The following COL4A1 variants were observed in gnomAD, a reference collection of about 807,000 sequenced individuals.
COL4A1 encodes collagen type IV alpha 1 chain, also known as collagen alpha-1(IV) chain.
A neutral mutation model predicts 216.6 loss-of-function variants in COL4A1; 40 were observed. The observed-to-expected ratio is 0.18, with a 90% CI of 0.14 to 0.24. The LOEUF is 0.24. Among genes scored for constraint, COL4A1 ranks in the 10% least tolerant of loss-of-function variants. The probability of loss-of-function intolerance (pLI) is 1.00; values close to 1 mark genes in which losing one functional copy is unlikely to be tolerated. For synonymous variants in COL4A1, 839 were observed against 810.7 expected (o/e 1.03, Z -0.59); for missense variants, 1,628 against 2,196.8 (o/e 0.74, Z 5.18).
intron 1 of COL4A1, 100 bp downstream of exon 1, chr13:110,306,844 C>A: frequency 8.5e-7 from 1 of 1,170,182 alleles, no homozygotes; most frequent in Non-Finnish European, 1.1e-6. Flanking sequence ...CGCGCGACCC[C>A]CGAGGGGCAG....
intron 26 of COL4A1, 28 bp from the exon 27 acceptor site, chr13:110,183,304 C>T (rs759982849): frequency 4.4e-6 from 7 of 1,600,460 alleles, no homozygotes; most frequent in African/African-American, 2.7e-5. Flanking sequence ...CAAAGACAAA[C>T]GATGAAGGAA....
In COL4A1 at chr13:110,206,714, C is replaced by A; in HGVS notation, c.809G>T (p.Gly270Val). ...ACCTTTCTCTCCGACCCCTGGCATC[C>A]CCTTAAAGGAATAAAAAGACAAAGA... ...KGQKGEPGFQ[G>V]MPGVGEKGEP... The change falls in exon 15 of 52, where the codon GGG (glycine) becomes GTG (valine). Residue 270 changes from glycine (G) to valine (V), a missense_variant and splice_region_variant. Gly to Val is a moderately radical substitution (Grantham distance 109). Transcript: ENST00000375820. 1.2e-6 allele frequency: 2 copies of A among 1,613,932 alleles called. No homozygotes were observed. The highest frequency in any genetic ancestry group is 1.7e-6 in the Non-Finnish European group (2 of 1,180,006).
rs1877598250 is a variant in COL4A1, at chr13:110,170,692, G to T, written c.3597C>A (p.Ser1199Arg). 6.2e-7 allele frequency: 1 copy of T among 1,614,208 alleles called. No homozygotes were observed. The highest frequency in any genetic ancestry group is 1.3e-5 in the African/African-American group (1 of 75,062). ...CTCCTTTGGATCCAGGAATTCCTGGGCTCCCGGCTAATCCTGGGAAACCCA... is the reference window on the plus strand; with the variant it reads ...CTCCTTTGGATCCAGGAATTCCTGGTCTCCCGGCTAATCCTGGGAAACCCA... ...GEVGFPGLAGSPGIPGSKGEQ... is the reference protein window; with the variant it reads ...GEVGFPGLAGRPGIPGSKGEQ... The change falls in exon 42 of 52, where the codon AGC (serine) becomes AGA (arginine). Residue 1199 changes from serine to arginine, a missense_variant. Physicochemically the swap from Ser to Arg is moderately radical, Grantham distance 110. Transcript: ENST00000375820.
intron 2 of COL4A1, among the ~76,000 whole-genome samples, chr13:110,218,643 T>C (rs1880214471): frequency 6.6e-6 from 1 of 152,128 alleles, no homozygotes; most frequent in African/African-American, 2.4e-5. Context: ...CTAAAAACTT[T>C]AAGAGGTAGT....
chr13:110,206,976 A>G (rs1417562796), intron 13 of COL4A1, 85 bp from the exon 14 acceptor site: 1 of 1,422,946 alleles, frequency 7.0e-7, no homozygotes, highest in Non-Finnish European at 9.8e-7. Flanking sequence ...GCAGAAAAAA[A>G]AAAAACCTTT....
chr13:110,233,828 A>G (rs976421980), intron 2 of COL4A1, among the ~76,000 whole-genome samples: 1 of 152,240 alleles, frequency 6.6e-6, no homozygotes, highest in African/African-American at 2.4e-5. Flanking sequence ...GGCCCTGCCA[A>G]GATTCTCAAA....
chr13:110,212,626 G>T lies in COL4A1; in HGVS notation c.280-8C>A, dbSNP rs778466796. On this transcript the variant is annotated splice_region_variant and splice_polypyrimidine_tract_variant and intron_variant, in intron 4 of 51. Transcript: ENST00000375820. ...AGATGCTCCCGGAGGTCCCTGTGAG[G>T]GCGGAAGTAAAAGCGTGTCAGTGAA... 3 of 1,613,790 alleles carry T rather than the reference G, an allele frequency of 1.9e-6. No individual in the cohort carries two copies. The highest frequency in any genetic ancestry group is 2.5e-6 in the Non-Finnish European group (3 of 1,180,034).
Position 110,249,297 on chromosome 13 carries a change from G to T in COL4A1, c.85-6563C>A, listed in dbSNP as rs529388540. On this transcript the variant is annotated intron_variant, in intron 1 of 51. Transcript: ENST00000375820. Reference sequence around the variant, plus strand: ...TACGTCGGTAAAAACTCATCGAGCTGTGCACTTGTGATGTTTGCACTTTGT... The same window carrying T: ...TACGTCGGTAAAAACTCATCGAGCTTTGCACTTGTGATGTTTGCACTTTGT... Among the ~76,000 whole-genome samples, 14 of 152,162 alleles carry T rather than the reference G, an allele frequency of 9.2e-5. No homozygotes were observed. The South Asian group carries it at 2.7e-3, about 29-fold the overall frequency.
rs757004186 is a variant in COL4A1 at position 110,198,684 on chromosome 13, C to T, written c.1121-53G>A. 33 of 1,605,266 alleles carry T rather than the reference C, an allele frequency of 2.1e-5. 1 individual carries two copies. Among genetic ancestry groups the T allele is most frequent in the Non-Finnish European group, 2.6e-5 (30 of 1,173,024 alleles). On this transcript the variant is annotated intron_variant, in intron 20 of 51. Transcript: ENST00000375820. ...TAACCTCAGGGCCACTTAGCAACTACAGCATAAACTCATTCTCCTAACTCT... is the reference window on the plus strand; with the variant it reads ...TAACCTCAGGGCCACTTAGCAACTATAGCATAAACTCATTCTCCTAACTCT...
At chr13:110,212,705 G>A (rs563189812) in intron 4 of COL4A1, 87 bp from the exon 5 acceptor site, 2 of 1,498,194 alleles carry the variant, frequency 1.3e-6, no homozygotes, top group East Asian at 2.3e-5. Context: ...ATGGAGTCAT[G>A]CCCTCATTTT....
chr13:110,166,226 T>C lies in COL4A1; in HGVS notation c.4021+6A>G. The C allele has an allele frequency of 3.2e-6, 5 of 1,578,214 alleles. No individual in the cohort carries two copies. Among genetic ancestry groups the C allele is most frequent in the Middle Eastern group, 1.7e-4 (1 of 6,002 alleles). On this transcript the variant is annotated splice_donor_region_variant and intron_variant, in intron 45 of 51. Coordinates refer to ENST00000375820, the MANE Select transcript of COL4A1 (RefSeq NM_001845.6). ...AAGGTGTCCACAGATCAACAAACTC[T>C]CCTACCTTTAGCTCCCGGGACGCCT... is the stretch of plus-strand genomic sequence containing the variant.
At chr13:110,256,457 G>A (rs1026529280) in intron 1 of COL4A1, among the ~76,000 whole-genome samples, 2 of 152,214 alleles carry the variant, frequency 1.3e-5, no homozygotes, top group Non-Finnish European at 2.9e-5. Flanking sequence ...CACTGTGAAC[G>A]TGCATCCTCG....
intron 1 of COL4A1, among the ~76,000 whole-genome samples, chr13:110,270,539 A>G (rs1180192789): frequency 6.6e-6 from 1 of 152,182 alleles, no homozygotes; most frequent in East Asian, 1.9e-4. Context: ...CAACCATTGT[A>G]GGGTTAATCA....
chr13:110,242,792 T>C, intron 1 of COL4A1, 58 bp from the exon 2 acceptor site: 1 of 1,572,886 alleles, frequency 6.4e-7, no homozygotes, highest in South Asian at 1.1e-5. Flanking sequence ...GAGGGCACTA[T>C]GCAAATGGAG....
intron 42 of COL4A1, among the ~76,000 whole-genome samples, chr13:110,170,046 AGGGAGGAAGGAG>A (rs1191430671): frequency 1.3e-4 from 15 of 119,298 alleles, no homozygotes; most frequent in Admixed American, 1.2e-3. Flanking sequence ...GGAGGGAAGG[AGGGAGGAAGGAG>A]GGGAGGGAGG....
intron 2 of COL4A1, among the ~76,000 whole-genome samples, chr13:110,226,705 A>G (rs1880751083): frequency 6.6e-6 from 1 of 152,260 alleles, no homozygotes; most frequent in Admixed American, 6.5e-5. Context: ...AGATCAATCT[A>G]AATTAATAAA....
chr13:110,227,271 A>G (rs1880775098), intron 2 of COL4A1, among the ~76,000 whole-genome samples: 1 of 152,114 alleles, frequency 6.6e-6, no homozygotes, highest in Non-Finnish European at 1.5e-5. Flanking sequence ...TGAGGTATAA[A>G]CTTTCTAATA....
chr13:110,255,138 G>T (rs367885316), intron 1 of COL4A1, among the ~76,000 whole-genome samples: 1 of 152,242 alleles, frequency 6.6e-6, no homozygotes, highest in East Asian at 1.9e-4. Context: ...CCTGCACAGG[G>T]CTGCCTGAAG....
chr13:110,200,749 G>A (rs940398512), intron 20 of COL4A1, 105 bp downstream of exon 20: 18 of 1,211,594 alleles, frequency 1.5e-5, no homozygotes, highest in South Asian at 2.5e-5. Flanking sequence ...GATTGCTACC[G>A]ATTGTGTGCA....
Sources: gnomAD v4.1 joint callset for allele counts (sites outside exome capture counted in the v4.1 genomes callset) on GRCh38, gnomAD v4.1.1 for gene constraint, MANE v1.5 for transcripts, NCBI Gene and HGNC (gene_info 2026-07-23, HGNC 2026-07-21) for gene names.